The following PRKG1 variants were observed in gnomAD, a reference collection of about 807,000 sequenced individuals.
The protein encoded by PRKG1 is cGMP-dependent protein kinase 1.
PRKG1 carries 35 observed loss-of-function variants against 88.1 expected under a neutral mutation model. The ratio of observed to expected loss-of-function variants is 0.40; its 90% CI spans 0.30 to 0.53. The LOEUF (loss-of-function observed/expected upper bound fraction) is 0.53, where lower values mean the gene tolerates loss of function less well. PRKG1 is among the 20% of genes least tolerant of loss of function. The pLI, the probability that PRKG1 is intolerant of heterozygous loss-of-function variation, is 0.59. For missense variants in PRKG1, 540 were observed against 839.8 expected (o/e 0.64, Z 4.41); for synonymous variants, 303 against 292.5 (o/e 1.04, Z -0.37).
At chr10:52,171,793 T>TAA (rs1838691944) in intron 9 of PRKG1, among the ~76,000 whole-genome samples, 1 of 124,270 alleles carries the variant, frequency 8.0e-6, no homozygotes, top group African/African-American at 3.6e-5. Context: ...AAAATTTTTT[T>TAA]TTTTTTTTTT....
intron 4 of PRKG1, among the ~76,000 whole-genome samples, chr10:51,836,173 A>G (rs188976225): frequency 6.6e-6 from 1 of 152,192 alleles, no homozygotes; most frequent in Non-Finnish European, 1.5e-5. Flanking sequence ...CTGGCATCAA[A>G]GCAGACACAT....
rs536119231 is a variant in PRKG1 at position 51,613,189 on chromosome 10, A to G, written c.592+145353A>G. ...TTGAAAACTTTTTATTACTGATTCA[A>G]TCTCATTACTCACTATTGGTCTGTT... On this transcript the variant is annotated intron_variant, in intron 3 of 17. Coordinates refer to ENST00000373980, the MANE Select transcript of PRKG1 (RefSeq NM_006258.4). Among the ~76,000 whole-genome samples, 9 of 151,970 alleles carry G rather than the reference A, an allele frequency of 5.9e-5. No individual in the cohort carries two copies. In the East Asian group the frequency reaches 9.7e-4, roughly 16 times the overall value.
At chr10:50,994,613 TG>T (rs1435382601) in intron 1 of PRKG1, among the ~76,000 whole-genome samples, 13 of 152,056 alleles carry the variant, frequency 8.5e-5, no homozygotes, top group Non-Finnish European at 1.8e-4. Context: ...AATGCGTTAT[TG>T]CAAAGCTTGT....
At position 51,308,804 on chromosome 10, in the gene PRKG1, C is replaced by A. The variant is rs892292115; in HGVS notation, c.478+155474C>A. Among the ~76,000 whole-genome samples, 76 of 152,246 alleles carry A rather than the reference C, an allele frequency of 5.0e-4. No homozygotes were observed. In the Middle Eastern group the frequency reaches 0.01, roughly 20 times the overall value. ...GGAAAAAGTGGGGTTTTAGGACCGGCAAGCTCAGATGAGACCTCACTGAAC... is the reference window on the plus strand; with the variant it reads ...GGAAAAAGTGGGGTTTTAGGACCGGAAAGCTCAGATGAGACCTCACTGAAC... On this transcript the variant is annotated intron_variant, in intron 2 of 17. Coordinates refer to ENST00000373980, the MANE Select transcript of PRKG1 (RefSeq NM_006258.4).
intron 3 of PRKG1, among the ~76,000 whole-genome samples, chr10:51,780,763 G>T (rs2132562198): frequency 6.6e-6 from 1 of 152,222 alleles, no homozygotes; most frequent in African/African-American, 2.4e-5. Context: ...GATGATTGGG[G>T]AATTTTCTTC....
At chr10:51,213,844 A>G (rs1838300360) in intron 2 of PRKG1, among the ~76,000 whole-genome samples, 1 of 152,110 alleles carries the variant, frequency 6.6e-6, no homozygotes, top group East Asian at 1.9e-4. Flanking sequence ...AGAATATGTT[A>G]CAGAATGGGA....
At chr10:51,418,752 G>A (rs1794507586) in intron 2 of PRKG1, among the ~76,000 whole-genome samples, 1 of 152,084 alleles carries the variant, frequency 6.6e-6, no homozygotes, top group Non-Finnish European at 1.5e-5. Context: ...TACAGTGGAG[G>A]GCTATTGAAT....
At position 51,204,675 on chromosome 10, in the gene PRKG1, T is replaced by C. The variant is rs189574615; in HGVS notation, c.478+51345T>C. Reference sequence around the variant, plus strand: ...GAGTCCAGATTAGAAATTGCCTCTCTAGCTTCAAATGGGGGCTTTTCACCA... The same window carrying C: ...GAGTCCAGATTAGAAATTGCCTCTCCAGCTTCAAATGGGGGCTTTTCACCA... On this transcript the variant is annotated intron_variant, in intron 2 of 17. Coordinates refer to ENST00000373980, the MANE Select transcript of PRKG1 (RefSeq NM_006258.4). 2.0e-3 allele frequency among the ~76,000 whole-genome samples: 306 copies of C among 152,286 alleles called. 1 individual carries two copies. Among genetic ancestry groups the C allele is most frequent in the South Asian group, 0.014 (68 of 4,828 alleles).
intron 14 of PRKG1, among the ~76,000 whole-genome samples, chr10:52,286,270 C>T (rs1245125157): frequency 1.3e-5 from 2 of 151,886 alleles, no homozygotes; most frequent in African/African-American, 4.8e-5. Flanking sequence ...TCTTTAATGC[C>T]AAAAGATAGT....
At chr10:51,735,908 T>TA (rs1837262911) in intron 3 of PRKG1, among the ~76,000 whole-genome samples, 2 of 146,340 alleles carry the variant, frequency 1.4e-5, no homozygotes, top group Admixed American at 6.9e-5. Context: ...TTTATTTATT[T>TA]TTCCCTCCAA....
chr10:51,708,879 A>G (rs1841673922), intron 3 of PRKG1, among the ~76,000 whole-genome samples: 1 of 152,108 alleles, frequency 6.6e-6, no homozygotes, highest in Non-Finnish European at 1.5e-5. Flanking sequence ...TTGAGGGAGC[A>G]TCTATCATCC....
At chr10:51,503,589 A>G (rs926851417) in intron 3 of PRKG1, among the ~76,000 whole-genome samples, 1 of 152,286 alleles carries the variant, frequency 6.6e-6, no homozygotes, top group African/African-American at 2.4e-5. Flanking sequence ...CAGCCTTTGA[A>G]TCATCAAATT....
chr10:51,813,568 G>A (rs1008118291), intron 4 of PRKG1, among the ~76,000 whole-genome samples: 1 of 152,142 alleles, frequency 6.6e-6, no homozygotes, highest in Non-Finnish European at 1.5e-5. Flanking sequence ...CCATTTTACA[G>A]GTAAGAATAC....
intron 4 of PRKG1, among the ~76,000 whole-genome samples, chr10:51,872,217 G>C (rs534936102): frequency 1.3e-3 from 195 of 152,266 alleles, no homozygotes; most frequent in African/African-American, 4.4e-3. Flanking sequence ...TCACATCCCA[G>C]TTCTGCAATT....
upstream of PRKG1, among the ~76,000 whole-genome samples, chr10:51,072,698 A>T (rs1050297096): frequency 6.6e-6 from 1 of 152,168 alleles, no homozygotes; most frequent in Non-Finnish European, 1.5e-5. Context: ...TGTAATCTGC[A>T]TTAAGAGAAT....
At chr10:51,391,469 T>C (rs1158395504) in intron 2 of PRKG1, among the ~76,000 whole-genome samples, 1 of 152,210 alleles carries the variant, frequency 6.6e-6, no homozygotes, top group Non-Finnish European at 1.5e-5. Context: ...AATGTATTTG[T>C]TGAGGAAGAT....
At chr10:52,019,608 T>C (rs1166565826) in intron 5 of PRKG1, among the ~76,000 whole-genome samples, 2 of 152,208 alleles carry the variant, frequency 1.3e-5, no homozygotes, top group Non-Finnish European at 2.9e-5. Flanking sequence ...TTTTATACTC[T>C]GTGTCCATGA....
chr10:52,188,370 A>T (rs1296098137), intron 9 of PRKG1, among the ~76,000 whole-genome samples: 2 of 147,920 alleles, frequency 1.4e-5, no homozygotes, highest in East Asian at 3.9e-4. Flanking sequence ...TTTTTTTGAG[A>T]TGGGGTCTCA....
At chr10:52,048,883 A>G (rs1038715697) in intron 5 of PRKG1, among the ~76,000 whole-genome samples, 6 of 152,158 alleles carry the variant, frequency 3.9e-5, no homozygotes, top group South Asian at 2.1e-4. Flanking sequence ...TCTATCTTCA[A>G]TCTAGTTATC....
Sources: gnomAD v4.1 joint callset for allele counts (sites outside exome capture counted in the v4.1 genomes callset) on GRCh38, gnomAD v4.1.1 for gene constraint, MANE v1.5 for transcripts, NCBI Gene and HGNC (gene_info 2026-07-23, HGNC 2026-07-21) for gene names.